Variants in KHDRBS3 observed in about 807,000 individuals in gnomAD.
The protein encoded by KHDRBS3 is KH RNA binding domain containing, signal transduction associated 3.
KHDRBS3 carries 23 observed loss-of-function variants against 45.6 expected under a neutral mutation model. That is an observed-to-expected ratio of 0.50 (90% CI 0.36 to 0.72). The LOEUF (loss-of-function observed/expected upper bound fraction) is 0.72. KHDRBS3 is among the 30% of genes least tolerant of loss of function. The pLI is 0.00. For missense variants in KHDRBS3, 352 were observed against 424.8 expected (o/e 0.83, Z 1.51); for synonymous variants, 162 against 156.5 (o/e 1.04, Z -0.26).
At chr8:135,629,389 C>T (rs1456921285) in intron 7 of KHDRBS3, among the ~76,000 whole-genome samples, 1 of 152,222 alleles carries the variant, frequency 6.6e-6, no homozygotes, top group Non-Finnish European at 1.5e-5. Flanking sequence ...GCAGCAGACA[C>T]TTATTGAGCA....
At chr8:135,578,301 C>T (rs1828041541) in intron 5 of KHDRBS3, among the ~76,000 whole-genome samples, 1 of 152,072 alleles carries the variant, frequency 6.6e-6, no homozygotes, top group African/African-American at 2.4e-5. Flanking sequence ...AAAAACTCAT[C>T]ACCAAACTAA....
chr8:135,644,013 A>G lies in KHDRBS3; in HGVS notation c.891-1046A>G, dbSNP rs73713809. Among the ~76,000 whole-genome samples the G allele has an allele frequency of 8.8e-3, 1,339 of 152,176 alleles. 13 individuals carry two copies. The highest frequency in any genetic ancestry group is 0.024 in the African/African-American group (991 of 41,504). Reference sequence around the variant, plus strand: ...ATTGTATGAAATTGGAAGAATGGGGATGTTTATTTCCATGACAGTCTAAGA... The same window carrying G: ...ATTGTATGAAATTGGAAGAATGGGGGTGTTTATTTCCATGACAGTCTAAGA... On this transcript the variant is annotated intron_variant, in intron 7 of 8. Transcript: ENST00000355849.
intron 6 of KHDRBS3, among the ~76,000 whole-genome samples, chr8:135,595,977 A>C (rs1308936695): frequency 6.6e-6 from 1 of 152,226 alleles, no homozygotes; most frequent in Non-Finnish European, 1.5e-5. Flanking sequence ...ACAGTCAACA[A>C]ATAAACCAAA....
intron 5 of KHDRBS3, among the ~76,000 whole-genome samples, chr8:135,561,669 C>T (rs1012936323): frequency 6.6e-6 from 1 of 151,830 alleles, no homozygotes; most frequent in Non-Finnish European, 1.5e-5. Context: ...AATAGTCATG[C>T]ACCACAAAAT....
intron 6 of KHDRBS3, among the ~76,000 whole-genome samples, chr8:135,585,876 G>C (rs979742568): frequency 2.0e-5 from 3 of 152,162 alleles, no homozygotes; most frequent in African/African-American, 7.2e-5. Flanking sequence ...ACATTGTTCA[G>C]ATGAAGATTA....
rs560045691 is a variant in KHDRBS3, at chr8:135,590,547, A to G, written c.807+8474A>G. On this transcript the variant is annotated intron_variant, in intron 6 of 8. Coordinates refer to ENST00000355849, the MANE Select transcript of KHDRBS3 (RefSeq NM_006558.3). Reference sequence around the variant, plus strand: ...GTATGTTTGTCAAAATTTGGTTTCCACTCTCACCCTAAAGATGGTTTTTGA... The same window carrying G: ...GTATGTTTGTCAAAATTTGGTTTCCGCTCTCACCCTAAAGATGGTTTTTGA... Among the ~76,000 whole-genome samples, 62 of 152,240 alleles carry G rather than the reference A, an allele frequency of 4.1e-4. 1 individual carries two copies. In the South Asian group the frequency reaches 0.012, roughly 30 times the overall value.
rs567950749 is a variant in KHDRBS3 at position 135,507,307 on chromosome 8, T to C, written c.89-13930T>C. ...GTCAGATATCCATCTAAGGTACTTA[T>C]TGTTAGTTTTAGTCAAAGTAAAGGT... On this transcript the variant is annotated intron_variant, in intron 1 of 8. Coordinates refer to ENST00000355849, the MANE Select transcript of KHDRBS3 (RefSeq NM_006558.3). 3.3e-5 allele frequency among the ~76,000 whole-genome samples: 5 copies of C among 152,306 alleles called. No individual in the cohort carries two copies. In the East Asian group the frequency reaches 7.7e-4, roughly 24 times the overall value.
chr8:135,594,283 G>A (rs1338051476), intron 6 of KHDRBS3, among the ~76,000 whole-genome samples: 1 of 152,228 alleles, frequency 6.6e-6, no homozygotes, highest in East Asian at 1.9e-4. Flanking sequence ...TGTTCTTATA[G>A]TGTGGCATTA....
At chr8:135,503,586 C>T (rs1264544097) in intron 1 of KHDRBS3, among the ~76,000 whole-genome samples, 1 of 151,442 alleles carries the variant, frequency 6.6e-6, no homozygotes, top group East Asian at 1.9e-4. Context: ...TTTTTCTTCC[C>T]CCATGAACTC....
chr8:135,595,646 G>A (rs1828940128), intron 6 of KHDRBS3, among the ~76,000 whole-genome samples: 1 of 152,178 alleles, frequency 6.6e-6, no homozygotes, highest in African/African-American at 2.4e-5. Flanking sequence ...GTGCCTTCTG[G>A]TGGGCCAGTA....
intron 6 of KHDRBS3, among the ~76,000 whole-genome samples, chr8:135,586,487 T>C (rs973160109): frequency 5.3e-5 from 8 of 152,142 alleles, no homozygotes; most frequent in African/African-American, 1.9e-4. Flanking sequence ...TGCAATTCAC[T>C]AATTCCCTGG....
chr8:135,572,101 G>A (rs1012055606), intron 5 of KHDRBS3, among the ~76,000 whole-genome samples: 1 of 152,180 alleles, frequency 6.6e-6, no homozygotes, highest in Non-Finnish European at 1.5e-5. Flanking sequence ...TTCCAGAGAG[G>A]AAGGAATTTT....
chr8:135,603,624 A>G (rs1000183887), intron 6 of KHDRBS3, among the ~76,000 whole-genome samples: 1 of 152,194 alleles, frequency 6.6e-6, no homozygotes, highest in African/African-American at 2.4e-5. Context: ...CAAAACATAT[A>G]GCTCTTTGAC....
intron 1 of KHDRBS3, among the ~76,000 whole-genome samples, chr8:135,467,356 A>G (rs1268314369): frequency 1.3e-5 from 2 of 152,232 alleles, no homozygotes; most frequent in African/African-American, 4.8e-5. Flanking sequence ...AATGATCCAA[A>G]TTAGGAAGTT....
chr8:135,569,793 T>C lies in KHDRBS3; in HGVS notation c.612-12085T>C, dbSNP rs1460770365. ...GTGGTGGAGATGAAGGAGTGAATGC[T>C]CTCTAGGAGGCCTTGCTCAGTGCGG... On this transcript the variant is annotated intron_variant, in intron 5 of 8. Transcript: ENST00000355849. Among the ~76,000 whole-genome samples, 13 of 152,162 alleles carry C rather than the reference T, an allele frequency of 8.5e-5. No individual in the cohort carries two copies. The East Asian group carries it at 2.5e-3, about 30-fold the overall frequency.
chr8:135,486,341 G>T (rs183992088), intron 1 of KHDRBS3, among the ~76,000 whole-genome samples: 12 of 152,318 alleles, frequency 7.9e-5, no homozygotes, highest in Admixed American at 7.2e-4. Context: ...CATTTTGGAT[G>T]AATGGATGCT....
chr8:135,607,187 C>A, intron 7 of KHDRBS3, 150 bp downstream of exon 7: 1 of 535,508 alleles, frequency 1.9e-6, no homozygotes, highest in Non-Finnish European at 3.3e-6. Flanking sequence ...CCTGTCTGTT[C>A]TAGCAACCAG....
At chr8:135,524,848 A>G (rs1825100322) in intron 2 of KHDRBS3, among the ~76,000 whole-genome samples, 1 of 152,170 alleles carries the variant, frequency 6.6e-6, no homozygotes, top group Non-Finnish European at 1.5e-5. Context: ...TTACATTTGA[A>G]TCATATATAC....
intron 1 of KHDRBS3, among the ~76,000 whole-genome samples, chr8:135,479,349 C>T (rs559192217): frequency 6.6e-6 from 1 of 152,322 alleles, no homozygotes; most frequent in East Asian, 1.9e-4. Flanking sequence ...GGTGGCGTCA[C>T]TGGTGAATCC....
Sources: gnomAD v4.1 joint callset for allele counts (sites outside exome capture counted in the v4.1 genomes callset) on GRCh38, gnomAD v4.1.1 for gene constraint, MANE v1.5 for transcripts, NCBI Gene and HGNC (gene_info 2026-07-23, HGNC 2026-07-21) for gene names.